The following RASGRF2 variants were observed in gnomAD, a reference collection of about 807,000 sequenced individuals.
RASGRF2 encodes Ras protein specific guanine nucleotide releasing factor 2.
Under a neutral mutation model 151.0 loss-of-function variants are expected in RASGRF2, and 76 were observed. That is an observed-to-expected ratio of 0.50 (90% CI 0.42 to 0.61). RASGRF2 has a LOEUF of 0.61. Ranked by LOEUF, RASGRF2 falls within the 20% of genes least tolerant of loss-of-function variation. The probability of loss-of-function intolerance (pLI) is 0.00; values close to 1 mark genes in which losing one functional copy is unlikely to be tolerated. For missense variants in RASGRF2, 1,148 were observed against 1,564.6 expected (o/e 0.73, Z 4.49); for synonymous variants, 504 against 566.5 (o/e 0.89, Z 1.57).
chr5:81,022,075 A>G (rs1055607305), intron 1 of RASGRF2, among the ~76,000 whole-genome samples: 1 of 152,204 alleles, frequency 6.6e-6, no homozygotes, highest in Admixed American at 6.5e-5. Context: ...TTATGATTGG[A>G]TCATCAGAGA....
chr5:81,137,969 T>C (rs896918300), intron 17 of RASGRF2, among the ~76,000 whole-genome samples: 1 of 152,254 alleles, frequency 6.6e-6, no homozygotes. Context: ...ATTTATGTTA[T>C]CTGGCTAGAA....
intron 17 of RASGRF2, among the ~76,000 whole-genome samples, chr5:81,131,821 C>T (rs153236): frequency 0.29 from 43,758 of 151,978 alleles, 6,597 homozygotes; most frequent in Middle Eastern, 0.47. Context: ...ACTCGAGATT[C>T]GGATTTTATG....
intron 1 of RASGRF2, among the ~76,000 whole-genome samples, chr5:81,018,716 C>T (rs754301356): frequency 4.6e-5 from 7 of 151,740 alleles, no homozygotes; most frequent in East Asian, 3.9e-4. Context: ...ATGAATTATA[C>T]GGTGAATAAC....
At chr5:81,215,432 G>A (rs1755715740) in intron 23 of RASGRF2, among the ~76,000 whole-genome samples, 4 of 151,974 alleles carry the variant, frequency 2.6e-5, no homozygotes, top group Admixed American at 6.6e-5. Context: ...CACCATACCC[G>A]ACTAATTTTT....
intron 18 of RASGRF2, among the ~76,000 whole-genome samples, chr5:81,185,088 G>A (rs1014756171): frequency 4.6e-5 from 7 of 152,204 alleles, no homozygotes; most frequent in Non-Finnish European, 5.9e-5. Flanking sequence ...CTAAGAGCTC[G>A]TGAAATCAAT....
chr5:81,212,463 G>A lies in RASGRF2; in HGVS notation c.3254G>A (p.Arg1085Gln), dbSNP rs945584279. The change falls in exon 23 of 27, where the codon CGA becomes CAA. Residue 1085 changes from arginine (R) to glutamine (Q), a missense_variant. Arg to Gln is a conservative substitution (Grantham distance 43). Coordinates refer to ENST00000265080, the MANE Select transcript of RASGRF2 (RefSeq NM_006909.3). Reference sequence around the variant, plus strand: ...TGGGTGGCAGTGGCGGACATCTGCCGATGCCTGCACAACTACAACGGCGTG... The same window carrying A: ...TGGGTGGCAGTGGCGGACATCTGCCAATGCCTGCACAACTACAACGGCGTG... ...EKWVAVADIC[R>Q]CLHNYNGVLE... The A allele has an allele frequency of 1.2e-6, 2 of 1,613,682 alleles. No individual in the cohort carries two copies. Among genetic ancestry groups the A allele is most frequent in the Non-Finnish European group, 1.7e-6 (2 of 1,179,854 alleles).
At chr5:81,067,675 G>A (rs1224944408) in intron 2 of RASGRF2, among the ~76,000 whole-genome samples, 2 of 152,010 alleles carry the variant, frequency 1.3e-5, no homozygotes, top group Non-Finnish European at 2.9e-5. Flanking sequence ...TAGCATCCCT[G>A]GAAACCATGT....
chr5:81,019,099 C>CGCATCTGCACATCTTGAAACACTTGGT (rs1561557535), intron 1 of RASGRF2, among the ~76,000 whole-genome samples: 1 of 152,212 alleles, frequency 6.6e-6, no homozygotes, highest in Admixed American at 6.5e-5. Flanking sequence ...CTGCGCCTGG[C>CGCATCTGCACATCTTGAAACACTTGGT]GCATCTGCAC....
chr5:81,068,305 C>A, intron 3 of RASGRF2, 126 bp downstream of exon 3: 1 of 1,092,034 alleles, frequency 9.2e-7, no homozygotes, highest in Non-Finnish European at 1.3e-6. Context: ...TCAACACATA[C>A]GTGGCTGGGC....
intron 3 of RASGRF2, among the ~76,000 whole-genome samples, chr5:81,069,248 T>C (rs914927464): frequency 6.6e-6 from 1 of 152,240 alleles, no homozygotes. Context: ...CCAACAGAGA[T>C]GTGGCAGCTT....
intron 1 of RASGRF2, among the ~76,000 whole-genome samples, chr5:81,002,047 G>T (rs1466669298): frequency 6.6e-6 from 1 of 152,174 alleles, no homozygotes; most frequent in Non-Finnish European, 1.5e-5. Context: ...TAGTTTTTTA[G>T]CAAATGGCTT....
At position 81,197,462 on chromosome 5, in the gene RASGRF2, C is replaced by CAAAAAA. The variant is rs10674027; in HGVS notation, c.2794-3848_2794-3843dup. The stretch of plus-strand genomic sequence containing the variant: ...TGGGCGACAGAGCGAGACTCCGTCT[C>CAAAAAA]AAAAAAAAAAAAAAAAAAAAAAAAA... On this transcript the variant is annotated intron_variant, in intron 18 of 26. Coordinates refer to ENST00000265080, the MANE Select transcript of RASGRF2 (RefSeq NM_006909.3). 1.1e-3 allele frequency among the ~76,000 whole-genome samples: 67 copies of CAAAAAA among 63,710 alleles called. 2 individuals carry two copies. The highest frequency in any genetic ancestry group is 2.4e-3 in the South Asian group (3 of 1,248). 41.8% of individuals were successfully genotyped at this position (63,710 alleles called of 152,430 possible). A position where few individuals can be genotyped will look rare whatever the true frequency, so the allele number is the denominator to read the frequency against.
Position 81,219,723 on chromosome 5 carries a change from T to A in RASGRF2, c.3566T>A (p.Ile1189Asn). The change falls in exon 26 of 27, where the codon ATC becomes AAC. Residue 1189 changes from isoleucine (I) to asparagine (N), a missense_variant. Around this residue, in one of 5 missense-constraint regions of RASGRF2, gnomAD observed 100 missense variants for 148.2 expected, o/e 0.67. Coordinates refer to ENST00000265080, the MANE Select transcript of RASGRF2 (RefSeq NM_006909.3). Reference sequence around the variant, plus strand: ...TTTCTCTGTTAGATATCACACATCATCAGAGAGATACGCCAGTTCCAGCAG... The same window carrying A: ...TTTCTCTGTTAGATATCACACATCAACAGAGAGATACGCCAGTTCCAGCAG... ...FSKMRMISHI[I>N]REIRQFQQTS... is the part of the protein sequence containing the mutation. 6.2e-7 allele frequency: 1 copy of A among 1,609,972 alleles called. No homozygotes were observed. The highest frequency in any genetic ancestry group is 8.5e-7 in the Non-Finnish European group (1 of 1,176,336).
At chr5:81,217,570 T>TCAC in intron 25 of RASGRF2, 97 bp downstream of exon 25, 1 of 522,416 alleles carries the variant, frequency 1.9e-6, no homozygotes, top group Non-Finnish European at 2.8e-6. Flanking sequence ...TTTTTTTTTC[T>TCAC]CTTCTTTTTT....
At chr5:81,108,005 A>C (rs1752890696) in intron 12 of RASGRF2, among the ~76,000 whole-genome samples, 1 of 152,246 alleles carries the variant, frequency 6.6e-6, no homozygotes, top group African/African-American at 2.4e-5. Flanking sequence ...TCAGAATTCC[A>C]GTGATCTAAA....
intron 1 of RASGRF2, among the ~76,000 whole-genome samples, chr5:80,968,972 C>T (rs1345883192): frequency 6.6e-6 from 1 of 151,968 alleles, no homozygotes; most frequent in Admixed American, 6.6e-5. Flanking sequence ...GCATGAGCCA[C>T]TCTCCCTGGC....
At chr5:81,160,717 A>ATAATAG (rs1249602929) in intron 17 of RASGRF2, among the ~76,000 whole-genome samples, 5 of 149,510 alleles carry the variant, frequency 3.3e-5, no homozygotes, top group South Asian at 4.2e-4. Flanking sequence ...AATAATAATA[A>ATAATAG]TAAGTCAACC....
At chr5:81,018,352 T>C (rs997180004) in intron 1 of RASGRF2, among the ~76,000 whole-genome samples, 2 of 152,188 alleles carry the variant, frequency 1.3e-5, no homozygotes, top group African/African-American at 2.4e-5. Flanking sequence ...ATTTTTGTTC[T>C]GCCTCGTCTT....
At chr5:81,205,597 C>T (rs144599697) in intron 19 of RASGRF2, among the ~76,000 whole-genome samples, 15 of 152,294 alleles carry the variant, frequency 9.8e-5, no homozygotes, top group East Asian at 7.7e-4. Context: ...CAGAACACAA[C>T]AGAACATCAC....
Sources: allele counts gnomAD v4.1 joint callset (sites outside exome capture counted in the v4.1 genomes callset), GRCh38; gene constraint gnomAD v4.1.1; regional missense constraint gnomAD v4.1.1; transcripts MANE v1.5; gene names NCBI Gene and HGNC (gene_info 2026-07-23, HGNC 2026-07-21).